Variants in TAFA5 observed in about 807,000 individuals in gnomAD.
The protein encoded by TAFA5 is TAFA chemokine like family member 5.
In TAFA5, 6 loss-of-function variants were observed where a neutral mutation model predicts 15.3. That is an observed-to-expected ratio of 0.39 (90% CI 0.21 to 0.77). The LOEUF (loss-of-function observed/expected upper bound fraction) is 0.77. TAFA5 is among the 30% of genes least tolerant of loss of function. The probability of loss-of-function intolerance (pLI) is 0.41; values close to 1 mark genes in which losing one functional copy is unlikely to be tolerated. For missense variants in TAFA5, 161 were observed against 193.1 expected, an observed-to-expected ratio of 0.83 and a Z score of 0.98; for synonymous variants, 103 against 80.7, an observed-to-expected ratio of 1.28 and a Z score of -1.48.
intron 3 of TAFA5, among the ~76,000 whole-genome samples, chr22:48,726,212 GTAAA>G (rs1929710138): frequency 6.6e-6 from 1 of 152,228 alleles, no homozygotes; most frequent in Admixed American, 6.5e-5. Context: ...TTTGGGCAAA[GTAAA>G]TAAATAAGAC....
At chr22:48,690,068 G>C (rs895471388) in intron 2 of TAFA5, among the ~76,000 whole-genome samples, 2 of 106,028 alleles carry the variant, frequency 1.9e-5, no homozygotes, top group Non-Finnish European at 4.1e-5. Context: ...TGGATGTGGA[G>C]ATGTCCACCC....
intron 1 of TAFA5, among the ~76,000 whole-genome samples, chr22:48,578,200 A>G (rs1401755232): frequency 1.3e-5 from 2 of 152,218 alleles, no homozygotes; most frequent in South Asian, 2.1e-4. Context: ...TCTGAGGTCC[A>G]GGTGCCCAGC....
intron 3 of TAFA5, among the ~76,000 whole-genome samples, chr22:48,723,141 A>G (rs575750566): frequency 3.3e-5 from 5 of 152,126 alleles, no homozygotes; most frequent in African/African-American, 1.2e-4. Flanking sequence ...TGGTGTGTCC[A>G]GATGTGCCTC....
intron 2 of TAFA5, among the ~76,000 whole-genome samples, chr22:48,677,110 C>T (rs57668357): frequency 0.031 from 4,692 of 152,378 alleles, 246 homozygotes; most frequent in African/African-American, 0.11. Context: ...TTATCTTGGA[C>T]ATTCTCTCCT....
intron 1 of TAFA5, among the ~76,000 whole-genome samples, chr22:48,605,891 CG>C (rs1204820095): frequency 1.3e-5 from 2 of 152,150 alleles, no homozygotes; most frequent in African/African-American, 2.4e-5. Flanking sequence ...GGGCAGGTTC[CG>C]GGGAGCCCAG....
chr22:48,657,341 C>G (rs560227321), intron 2 of TAFA5, among the ~76,000 whole-genome samples: 1 of 152,284 alleles, frequency 6.6e-6, no homozygotes, highest in Non-Finnish European at 1.5e-5. Flanking sequence ...AGGAAACAAA[C>G]AGTTTGAATA....
At chr22:48,516,180 T>TGGCGGCGAAACCCACGTGGA (rs1341800142) in intron 1 of TAFA5, among the ~76,000 whole-genome samples, 3 of 152,104 alleles carry the variant, frequency 2.0e-5, no homozygotes, top group Non-Finnish European at 4.4e-5. Flanking sequence ...TTAAACCAGA[T>TGGCGGCGAAACCCACGTGGA]GGCGGCGAAA....
intron 1 of TAFA5, among the ~76,000 whole-genome samples, chr22:48,562,585 A>G (rs1029453851): frequency 2.7e-4 from 40 of 145,494 alleles, no homozygotes; most frequent in African/African-American, 9.4e-4. Context: ...CTAGGGAGGG[A>G]GGGGGGGAAT....
chr22:48,714,463 C>G (rs1445480435), intron 3 of TAFA5, among the ~76,000 whole-genome samples: 1 of 152,190 alleles, frequency 6.6e-6, no homozygotes, highest in East Asian at 1.9e-4. Flanking sequence ...TAAGAGACCC[C>G]TGGTCCTTCC....
Position 48,560,124 on chromosome 22 carries a change from C to G in TAFA5, c.112+70420C>G, listed in dbSNP as rs1923178446. 6.6e-6 allele frequency among the ~76,000 whole-genome samples: 1 copy of G among 152,210 alleles called. No individual in the cohort carries two copies. Among genetic ancestry groups the G allele is most frequent in the African/African-American group, 2.4e-5 (1 of 41,458 alleles). ...ATTTGGGGACCTCCACGTGCCGTCC[C>G]ATGGGAAAGCCGAGTCCTTGTAGGG... On this transcript the variant is annotated intron_variant, in intron 1 of 3. Transcript: ENST00000402357. The surrounding 1 kb of genome is among the most constrained non-coding windows in gnomAD (Gnocchi z 4.2).
intron 1 of TAFA5, among the ~76,000 whole-genome samples, chr22:48,564,738 G>A (rs1923353700): frequency 6.6e-6 from 1 of 152,212 alleles, no homozygotes; most frequent in Admixed American, 6.5e-5. Context: ...TCCAGGCCTG[G>A]CACTTGTGTG....
intron 2 of TAFA5, among the ~76,000 whole-genome samples, chr22:48,697,446 C>G (rs1928750143): frequency 7.7e-6 from 1 of 129,598 alleles, no homozygotes; most frequent in African/African-American, 2.8e-5. Context: ...TGATGAGGAT[C>G]AGGATGGTGG....
chr22:48,570,648 G>C (rs1330145466), intron 1 of TAFA5, among the ~76,000 whole-genome samples: 1 of 152,184 alleles, frequency 6.6e-6, no homozygotes, highest in Non-Finnish European at 1.5e-5. Flanking sequence ...AACACGGAGG[G>C]CCTACTTTCT....
At chr22:48,523,672 A>G (rs1921682754) in intron 1 of TAFA5, among the ~76,000 whole-genome samples, 1 of 152,160 alleles carries the variant, frequency 6.6e-6, no homozygotes, top group Non-Finnish European at 1.5e-5. Flanking sequence ...CCAGGGCTGC[A>G]TGAAGGAGGC....
intron 1 of TAFA5, among the ~76,000 whole-genome samples, chr22:48,582,851 CCA>C (rs1462592769): frequency 7.5e-5 from 11 of 147,318 alleles, no homozygotes; most frequent in Non-Finnish European, 1.5e-4. Context: ...ACAAAATACA[CCA>C]CACACACCAC....
chr22:48,618,559 A>G (rs1925695919), intron 1 of TAFA5, among the ~76,000 whole-genome samples: 1 of 152,100 alleles, frequency 6.6e-6, no homozygotes, highest in Non-Finnish European at 1.5e-5. Context: ...CCGCACCCGC[A>G]GCTCCGTCTG....
intron 1 of TAFA5, among the ~76,000 whole-genome samples, chr22:48,584,726 C>T (rs564180800): frequency 1.0e-4 from 15 of 148,056 alleles, no homozygotes; most frequent in Non-Finnish European, 1.3e-4. Flanking sequence ...ACACCCCACA[C>T]GCACCATATA....
intron 3 of TAFA5, among the ~76,000 whole-genome samples, chr22:48,732,486 A>G (rs1157439532): frequency 2.0e-5 from 3 of 151,998 alleles, no homozygotes; most frequent in Non-Finnish European, 4.4e-5. Flanking sequence ...TCGATCTCCT[A>G]ACCTCATAAT....
At chr22:48,532,850 A>G (rs1922019881) in intron 1 of TAFA5, among the ~76,000 whole-genome samples, 1 of 152,186 alleles carries the variant, frequency 6.6e-6, no homozygotes. Flanking sequence ...AATGAGTCCT[A>G]GGATTTGGAG....
Sources: allele counts gnomAD v4.1 joint callset (sites outside exome capture counted in the v4.1 genomes callset), GRCh38; gene constraint gnomAD v4.1.1; non-coding constraint Gnocchi (gnomAD v3.1); transcripts MANE v1.5; gene names NCBI Gene and HGNC (gene_info 2026-07-23, HGNC 2026-07-21).